Variants in SI observed in about 807,000 individuals in gnomAD.
The protein encoded by SI is sucrase-isomaltase, intestinal.
A neutral mutation model predicts 253.3 loss-of-function variants in SI; 235 were observed. The ratio of observed to expected loss-of-function variants is 0.93; its 90% CI spans 0.83 to 1.03. The LOEUF is 1.03. Among genes scored for constraint, SI ranks in the 50% least tolerant of loss-of-function variants. The pLI is 0.00. For missense variants in SI, 2,442 were observed against 2,211.1 expected (o/e 1.10, Z -2.09); for synonymous variants, 819 against 712.0 (o/e 1.15, Z -2.39).
intron 3 of SI, among the ~76,000 whole-genome samples, chr3:165,069,565 C>T (rs1714429599): frequency 6.6e-6 from 1 of 151,950 alleles, no homozygotes; most frequent in South Asian, 2.1e-4. Flanking sequence ...ATGTATCAAG[C>T]TGAAATTTAA....
chr3:164,989,828 T>C (rs1343281177), intron 44 of SI, among the ~76,000 whole-genome samples: 1 of 152,158 alleles, frequency 6.6e-6, no homozygotes, highest in African/African-American at 2.4e-5. Flanking sequence ...AAAAGTCAAA[T>C]TGAATGTTAC....
chr3:165,041,988 G>A (rs1199875505), intron 17 of SI, among the ~76,000 whole-genome samples: 2 of 151,996 alleles, frequency 1.3e-5, no homozygotes, highest in African/African-American at 2.4e-5. Flanking sequence ...GCGCAATTCG[G>A]GATTCTGCCT....
At chr3:165,007,217 A>C (rs560864413) in intron 36 of SI, among the ~76,000 whole-genome samples, 14 of 152,260 alleles carry the variant, frequency 9.2e-5, no homozygotes, top group African/African-American at 2.6e-4. Flanking sequence ...ATTTAGATGG[A>C]AAACACTGAT....
chr3:165,026,896 G>A (rs940138499), intron 25 of SI, among the ~76,000 whole-genome samples: 8 of 151,022 alleles, frequency 5.3e-5, no homozygotes, highest in Admixed American at 4.6e-4. Flanking sequence ...GACAATCTAA[G>A]GTCACACTTC....
chr3:165,017,586 C>T lies in SI; in HGVS notation c.3721G>A (p.Glu1241Lys), dbSNP rs1416779997. The T allele has an allele frequency of 5.6e-6, 9 of 1,612,468 alleles. No homozygotes were observed. The highest frequency in any genetic ancestry group is 1.7e-4 in the Middle Eastern group (1 of 6,056). The change falls in exon 31 of 48, where the codon GAA (glutamate) becomes AAA (lysine). Residue 1241 changes from glutamate (E) to lysine (K), a missense_variant. By Grantham distance (56) the Glu-to-Lys change is moderately conservative. Transcript: ENST00000264382. Reference protein sequence around the residue: ...YGYANTSEVRELYDAMVAANI... With the variant: ...YGYANTSEVRKLYDAMVAANI... ...GCAGCCACCATAGCGTCATATAATT[C>T]CCGAACCTCTGAAGTATTTGCATAT...
intron 3 of SI, among the ~76,000 whole-genome samples, chr3:165,073,299 C>T (rs76619316): frequency 0.017 from 2,624 of 151,688 alleles, 48 homozygotes; most frequent in Non-Finnish European, 0.023. Context: ...TACAGTGACG[C>T]GATCTCTGCC....
At chr3:164,999,048 C>T (rs545267768) in intron 37 of SI, among the ~76,000 whole-genome samples, 34 of 151,928 alleles carry the variant, frequency 2.2e-4, no homozygotes, top group South Asian at 6.2e-4. Flanking sequence ...ATTGCCCCAA[C>T]GCCTCTCAAC....
At chr3:165,066,273 C>T (rs1714242714) in intron 6 of SI, among the ~76,000 whole-genome samples, 1 of 151,808 alleles carries the variant, frequency 6.6e-6, no homozygotes, top group African/African-American at 2.4e-5. Flanking sequence ...ACTTGAGCAT[C>T]CATGGATTTT....
upstream of SI, among the ~76,000 whole-genome samples, chr3:165,081,796 G>A (rs1715336683): frequency 6.6e-6 from 1 of 151,746 alleles, no homozygotes; most frequent in South Asian, 2.1e-4. Flanking sequence ...AGGTGCAATA[G>A]AACACAAATA....
chr3:165,049,928 T>C, intron 13 of SI, 53 bp from the exon 14 acceptor site: 1 of 1,115,632 alleles, frequency 9.0e-7, no homozygotes, highest in Non-Finnish European at 1.4e-6. Context: ...ATAAATCCTA[T>C]TAGCAGAAAC....
At chr3:165,071,317 T>G (rs932573097) in intron 3 of SI, among the ~76,000 whole-genome samples, 4 of 151,950 alleles carry the variant, frequency 2.6e-5, no homozygotes, top group African/African-American at 9.7e-5. Flanking sequence ...TATGTTTAGT[T>G]GGTCTTCCTA....
chr3:165,060,868 A>AATAT (rs1046617257), intron 9 of SI, among the ~76,000 whole-genome samples: 6 of 145,412 alleles, frequency 4.1e-5, no homozygotes, highest in African/African-American at 1.5e-4. Flanking sequence ...ATTAAAAAAA[A>AATAT]ATATATATAT....
In SI at chr3:164,978,907, A is replaced by AT. The variant is rs1717038384; in HGVS notation, c.*454dup. The AT allele has an allele frequency of 6.5e-6, 1 of 153,138 alleles. No individual in the cohort carries two copies. Among genetic ancestry groups the AT allele is most frequent in the Admixed American group, 6.6e-5 (1 of 15,250 alleles). The allele number at this position is 153,138 out of a possible 1,614,324, so 9.5% of individuals were successfully genotyped here. On this transcript the variant is annotated 3_prime_UTR_variant, in exon 48 of 48. Coordinates refer to ENST00000264382, the MANE Select transcript of SI (RefSeq NM_001041.4). ...CAAAATGCACATTTTATACACTTAC[A>AT]TTTTTTATTCTCTTTTTCTAATTAA...
intron 24 of SI, among the ~76,000 whole-genome samples, chr3:165,031,123 G>A (rs1021420174): frequency 8.7e-5 from 13 of 149,198 alleles, no homozygotes; most frequent in Admixed American, 2.0e-4. Flanking sequence ...CACACACATA[G>A]AATTATGTCT....
intron 16 of SI, among the ~76,000 whole-genome samples, chr3:165,045,972 T>C (rs1713090217): frequency 6.6e-6 from 1 of 151,522 alleles, no homozygotes; most frequent in Non-Finnish European, 1.5e-5. Context: ...TAGCTGGGAC[T>C]ACAGGTGCCT....
upstream of SI, among the ~76,000 whole-genome samples, chr3:165,082,952 A>T (rs547201113): frequency 3.2e-4 from 49 of 152,046 alleles, no homozygotes; most frequent in African/African-American, 1.1e-3. Flanking sequence ...CTTTGAATTG[A>T]ATAATGTCCA....
At position 164,994,407 on chromosome 3, in the gene SI, T is replaced by C. The variant is rs758946620; in HGVS notation, c.4693-2A>G. The C allele has an allele frequency of 6.2e-7, 1 of 1,610,174 alleles. No homozygotes were observed. The highest frequency in any genetic ancestry group is 1.7e-5 in the Admixed American group (1 of 59,846). ...ATTCCAGGAAGCGGGATCTTGTCTC[T>C]GAAACAAAGCAAAATAACATAGTTA... On this transcript the variant is annotated splice_acceptor_variant, in intron 40 of 47. Coordinates refer to ENST00000264382, the MANE Select transcript of SI (RefSeq NM_001041.4). LOFTEE classifies it high-confidence loss of function.
At chr3:164,991,127 A>G (rs1290212360) in intron 44 of SI, among the ~76,000 whole-genome samples, 1 of 152,084 alleles carries the variant, frequency 6.6e-6, no homozygotes, top group Admixed American at 6.6e-5. Context: ...TGTCATCCCC[A>G]TGGGACTTGG....
chr3:165,030,562 G>T lies in SI; in HGVS notation c.2892+150C>A, dbSNP rs536366440. 2.2e-4 allele frequency: 167 copies of T among 770,184 alleles called. No homozygotes were observed. In the African/African-American group the frequency reaches 2.7e-3, roughly 13 times the overall value. 47.7% of individuals were successfully genotyped at this position (770,184 alleles called of 1,614,324 possible). A position where few individuals can be genotyped will look rare whatever the true frequency, so the allele number is the denominator to read the frequency against. On this transcript the variant is annotated intron_variant, in intron 25 of 47. Coordinates refer to ENST00000264382, the MANE Select transcript of SI (RefSeq NM_001041.4). The stretch of plus-strand genomic sequence containing the variant: ...TAATTAATTAAGATAAAAGTGAATT[G>T]CCTGTCAGAGATGCTAACTTCAAAT...
Sources: gnomAD v4.1 joint callset for allele counts (sites outside exome capture counted in the v4.1 genomes callset) on GRCh38, gnomAD v4.1.1 for gene constraint, MANE v1.5 for transcripts, NCBI Gene and HGNC (gene_info 2026-07-23, HGNC 2026-07-21) for gene names.